Variants in ALG6 observed in about 807,000 individuals in gnomAD.
ALG6 encodes the protein ALG6 alpha-1,3-glucosyltransferase.
Under a neutral mutation model 66.6 loss-of-function variants are expected in ALG6, and 46 were observed. The observed-to-expected ratio is 0.69, with a 90% CI of 0.55 to 0.88. The LOEUF (loss-of-function observed/expected upper bound fraction) is 0.88. Among genes scored for constraint, ALG6 ranks in the 40% least tolerant of loss-of-function variants. ALG6 has a pLI of 0.00. For missense variants in ALG6, 505 were observed against 586.8 expected, an observed-to-expected ratio of 0.86 and a Z score of 1.44; for synonymous variants, 185 against 203.7, an observed-to-expected ratio of 0.91 and a Z score of 0.78.
rs760731397 is a variant in ALG6, at chr1:63,387,532, CTTTTTT to C, written c.83-8959_83-8954del. Among the ~76,000 whole-genome samples, 142 of 59,490 alleles carry C rather than the reference CTTTTTT, an allele frequency of 2.4e-3. 1 individual carries two copies. Among genetic ancestry groups the C allele is most frequent in the African/African-American group, 8.9e-3 (126 of 14,214 alleles). 39.0% of individuals were successfully genotyped at this position (59,490 alleles called of 152,430 possible). A position where few individuals can be genotyped will look rare whatever the true frequency, so the allele number is the denominator to read the frequency against. On this transcript the variant is annotated intron_variant, in intron 2 of 14. Transcript: ENST00000263440. ...ATATAATGACCTTCTTTGTCTTTCT[CTTTTTT>C]TTTTTTTTTTTTTTTTTTTTTGAGA...
intron 12 of ALG6, among the ~76,000 whole-genome samples, chr1:63,422,153 AAATAT>A (rs1644578850): frequency 2.0e-5 from 1 of 49,578 alleles, no homozygotes; most frequent in Admixed American, 3.4e-4. Flanking sequence ...ATATAAATAT[AAATAT>A]ATATATAACT....
chr1:63,394,858 C>G (rs1480981274), intron 2 of ALG6, among the ~76,000 whole-genome samples: 3 of 151,066 alleles, frequency 2.0e-5, no homozygotes, highest in African/African-American at 7.3e-5. Context: ...AATGATAATA[C>G]CTATTTCTTT....
In ALG6 at chr1:63,370,863, A is replaced by G; in HGVS notation, c.-115A>G. The G allele has an allele frequency of 6.5e-6, 5 of 772,970 alleles. No homozygotes were observed. In the South Asian group the frequency reaches 7.2e-5, roughly 11 times the overall value. 47.9% of individuals were successfully genotyped at this position (772,970 alleles called of 1,614,324 possible). ...AACTCCTAATTGCGAAGAATCGATA[A>G]CATTTCAAGAAGTGATAACATTTCT... is the stretch of plus-strand genomic sequence containing the variant. On this transcript the variant is annotated 5_prime_UTR_variant, in exon 2 of 15. Coordinates refer to ENST00000263440, the MANE Select transcript of ALG6 (RefSeq NM_013339.4).
At chr1:63,404,626 C>T in intron 5 of ALG6, 85 bp downstream of exon 5, 1 of 1,094,132 alleles carries the variant, frequency 9.1e-7, no homozygotes, top group Non-Finnish European at 1.4e-6. Flanking sequence ...ATTGTTCTTA[C>T]TGACTTTAAA....
intron 2 of ALG6, among the ~76,000 whole-genome samples, chr1:63,390,873 TGGA>T (rs1479067370): frequency 3.3e-5 from 5 of 152,186 alleles, no homozygotes; most frequent in African/African-American, 1.2e-4. Flanking sequence ...TGCTGGGGAA[TGGA>T]GAAGTGATGT....
At chr1:63,406,518 A>T in intron 6 of ALG6, 119 bp downstream of exon 6, 1 of 851,378 alleles carries the variant, frequency 1.2e-6, no homozygotes, top group Middle Eastern at 3.4e-4. Context: ...GGAATATTGT[A>T]TCTTCTATCA....
Position 63,411,210 on chromosome 1 carries a change from C to T in ALG6, c.559C>T (p.Leu187Phe). 6.2e-7 allele frequency: 1 copy of T among 1,613,728 alleles called. No individual in the cohort carries two copies. Among genetic ancestry groups the T allele is most frequent in the Non-Finnish European group, 8.5e-7 (1 of 1,179,796 alleles). The change falls in exon 8 of 15, where the codon CTC becomes TTC. Residue 187 changes from leucine to phenylalanine, a missense_variant. Transcript: ENST00000263440. ...TCTTGGAATATCTTGTGACTGCGACCTCCTAGGGTCACTGGCATTTTGCTT... is the reference window on the plus strand; with the variant it reads ...TCTTGGAATATCTTGTGACTGCGACTTCCTAGGGTCACTGGCATTTTGCTT... ...GVLGISCDCD[L>F]LGSLAFCLAI...
chr1:63,374,726 C>T (rs1648061895), intron 2 of ALG6, among the ~76,000 whole-genome samples: 1 of 152,026 alleles, frequency 6.6e-6, no homozygotes, highest in Non-Finnish European at 1.5e-5. Flanking sequence ...ATTTATAGTT[C>T]ATAACTCATC....
rs3737898 is a variant in ALG6 at position 63,367,779 on chromosome 1, G to T, written c.-208+92G>T. On this transcript the variant is annotated intron_variant, in intron 1 of 14. Transcript: ENST00000263440. ...CGCGCCACGAGCCGGCGCAGAGCTG[G>T]CGACCCGTCTCCCAGCTCCGCTCCA... 0.071 allele frequency: 10,815 copies of T among 152,412 alleles called. 507 individuals carry two copies. Among genetic ancestry groups the T allele is most frequent in the South Asian group, 0.14 (692 of 4,830 alleles). 9.4% of individuals were successfully genotyped at this position (152,412 alleles called of 1,614,324 possible). A position where few individuals can be genotyped will look rare whatever the true frequency, so the allele number is the denominator to read the frequency against.
chr1:63,373,094 G>A (rs532717516), intron 2 of ALG6, among the ~76,000 whole-genome samples: 68 of 151,850 alleles, frequency 4.5e-4, no homozygotes, highest in African/African-American at 1.4e-3. Context: ...GGCAGCCTCC[G>A]CCTCCTTGGT....
chr1:63,435,093 A>G (rs1644670799), intron 14 of ALG6, among the ~76,000 whole-genome samples: 1 of 152,162 alleles, frequency 6.6e-6, no homozygotes, highest in Admixed American at 6.5e-5. Context: ...TTTCATCGTG[A>G]TTAGGGTGAA....
At chr1:63,386,307 T>G (rs901289865) in intron 2 of ALG6, among the ~76,000 whole-genome samples, 4 of 152,094 alleles carry the variant, frequency 2.6e-5, no homozygotes, top group South Asian at 2.1e-4. Context: ...TTCTCTGGTG[T>G]TGTTATTAGG....
chr1:63,388,801 A>G (rs939739362), intron 2 of ALG6, among the ~76,000 whole-genome samples: 5 of 152,084 alleles, frequency 3.3e-5, no homozygotes, highest in South Asian at 2.1e-4. Context: ...GAAAATCTTT[A>G]TATCTCCTTC....
chr1:63,423,265 T>G (rs1319130242), intron 12 of ALG6, among the ~76,000 whole-genome samples: 2 of 151,944 alleles, frequency 1.3e-5, no homozygotes, highest in African/African-American at 4.8e-5. Flanking sequence ...CTCAACTGAT[T>G]CCCCTGCCTT....
chr1:63,415,791 T>C, intron 10 of ALG6, 82 bp from the exon 11 acceptor site: 1 of 796,558 alleles, frequency 1.3e-6, no homozygotes, highest in Non-Finnish European at 2.0e-6. Context: ...ATGATCCTTA[T>C]ATTTAAAAAA....
At chr1:63,382,867 A>G (rs148894690) in intron 2 of ALG6, among the ~76,000 whole-genome samples, 7,287 of 151,810 alleles carry the variant, frequency 0.048, 567 homozygotes, top group African/African-American at 0.17. Flanking sequence ...TATTAGAGAC[A>G]GGGTTTCACC....
At chr1:63,429,437 G>A (rs1351687491) in intron 14 of ALG6, 1 of 263,410 alleles carries the variant, frequency 3.8e-6, no homozygotes, top group African/African-American at 2.2e-5. Context: ...TGCCTACTTT[G>A]GACATTGCAT....
At chr1:63,378,314 G>C (rs1428243064) in intron 2 of ALG6, among the ~76,000 whole-genome samples, 1 of 152,056 alleles carries the variant, frequency 6.6e-6, no homozygotes, top group Admixed American at 6.5e-5. Context: ...GTTGATGTTT[G>C]GACATCAGCT....
At position 63,411,964 on chromosome 1, in the gene ALG6, C is replaced by G. The variant is rs1234304113; in HGVS notation, c.719C>G (p.Ala240Gly). 1 of 1,614,096 alleles carries G rather than the reference C, an allele frequency of 6.2e-7. No individual in the cohort carries two copies. The highest frequency in any genetic ancestry group is 8.5e-7 in the Non-Finnish European group (1 of 1,180,006). Residue 240 changes from alanine (A) to glycine (G), a missense_variant, in exon 9 of 15, where the codon GCT becomes GGT. Physicochemically the swap from Ala to Gly is moderately conservative, Grantham distance 60. Transcript: ENST00000263440. ...LLVKLACIVV[A>G]SFVLCWLPFF... ...GTTAAGCTAGCTTGTATTGTTGTGGCTTCCTTCGTTCTCTGCTGGCTGCCA... is the reference window on the plus strand; with the variant it reads ...GTTAAGCTAGCTTGTATTGTTGTGGGTTCCTTCGTTCTCTGCTGGCTGCCA...
Sources: gnomAD v4.1 joint callset for allele counts (sites outside exome capture counted in the v4.1 genomes callset) on GRCh38, gnomAD v4.1.1 for gene constraint, MANE v1.5 for transcripts, NCBI Gene and HGNC (gene_info 2026-07-23, HGNC 2026-07-21) for gene names.